MBD5: variants seen among roughly 807,000 people sequenced by gnomAD.
The protein encoded by MBD5 is methyl-CpG-binding domain protein 5.
Under a neutral mutation model 117.3 loss-of-function variants are expected in MBD5, and 13 were observed. The observed-to-expected ratio is 0.11, with a 90% CI of 0.07 to 0.18. The LOEUF (loss-of-function observed/expected upper bound fraction) is 0.18. MBD5 is among the 10% of genes least tolerant of loss of function. The pLI is 1.00. For synonymous variants in MBD5, 727 were observed against 766.4 expected, an observed-to-expected ratio of 0.95 and a Z score of 0.85; for missense variants, 1,879 against 2,093.8, an observed-to-expected ratio of 0.90 and a Z score of 2.00.
intron 13 of MBD5, among the ~76,000 whole-genome samples, chr2:148,510,407 A>G (rs925607092): frequency 1.3e-5 from 2 of 152,258 alleles, no homozygotes; most frequent in Admixed American, 1.3e-4. Flanking sequence ...TTGAAGTTCA[A>G]ACCACAGCTT....
chr2:148,244,786 GATGGTTA>G (rs1190120160), intron 3 of MBD5, among the ~76,000 whole-genome samples: 2 of 152,140 alleles, frequency 1.3e-5, no homozygotes, highest in East Asian at 3.9e-4. Flanking sequence ...CTGGTTCACA[GATGGTTA>G]ATGGTGTCCT....
At chr2:148,308,491 CTTTTTTTTTTT>C (rs60650324) in intron 3 of MBD5, among the ~76,000 whole-genome samples, 2,787 of 66,896 alleles carry the variant, frequency 0.042, 114 homozygotes, top group African/African-American at 0.13. Flanking sequence ...GGGGTTCTTT[CTTTTTTTTTTT>C]TTTTTTTTTT....
chr2:148,363,796 A>G (rs1395483633), intron 4 of MBD5, among the ~76,000 whole-genome samples: 2 of 152,194 alleles, frequency 1.3e-5, no homozygotes, highest in African/African-American at 2.4e-5. Flanking sequence ...AGATTAGAGA[A>G]AAAAGAATGA....
chr2:148,370,562 C>A (rs1323859524), intron 4 of MBD5, among the ~76,000 whole-genome samples: 2 of 152,074 alleles, frequency 1.3e-5, no homozygotes, highest in Admixed American at 1.3e-4. Context: ...GATCTTGGCT[C>A]ACTGCAACCT....
chr2:148,447,124 A>G (rs887339195), intron 4 of MBD5, among the ~76,000 whole-genome samples: 2 of 140,924 alleles, frequency 1.4e-5, no homozygotes, highest in East Asian at 3.9e-4. Flanking sequence ...AGAAAGAAAG[A>G]AAAAGAAAGA....
In MBD5 at chr2:148,459,822, G is replaced by T. The variant is rs77259953; in HGVS notation, c.113+951G>T. Among the ~76,000 whole-genome samples the T allele has an allele frequency of 1.1e-4, 16 of 152,292 alleles. No individual in the cohort carries two copies. In the East Asian group the frequency reaches 3.1e-3, roughly 29 times the overall value. On this transcript the variant is annotated intron_variant, in intron 5 of 13. Coordinates refer to ENST00000642680, the MANE Select transcript of MBD5 (RefSeq NM_001378120.1). The stretch of plus-strand genomic sequence containing the variant: ...AAAGTCAGTTCAGATTCTGTCCTGA[G>T]TTTGTTTGCTTGTTGTGTGTAAGGC...
intron 1 of MBD5, among the ~76,000 whole-genome samples, chr2:148,074,066 T>C (rs966106058): frequency 6.6e-6 from 1 of 152,136 alleles, no homozygotes. Flanking sequence ...AAGATATCAA[T>C]AAAACTTTTG....
intron 4 of MBD5, among the ~76,000 whole-genome samples, chr2:148,432,237 T>C (rs1397461181): frequency 2.0e-5 from 3 of 152,138 alleles, no homozygotes; most frequent in Non-Finnish European, 2.9e-5. Flanking sequence ...TGTTCATCTG[T>C]TTAAATTTCT....
chr2:148,276,994 T>C (rs555966895), intron 3 of MBD5, among the ~76,000 whole-genome samples: 3 of 152,274 alleles, frequency 2.0e-5, no homozygotes, highest in Admixed American at 6.5e-5. Context: ...TACTCAGTTG[T>C]GGTACTTTTG....
intron 1 of MBD5, among the ~76,000 whole-genome samples, chr2:148,158,754 G>C (rs974897510): frequency 1.3e-5 from 2 of 152,140 alleles, no homozygotes; most frequent in African/African-American, 4.8e-5. Context: ...GAGTCTCGCT[G>C]TGTCTGCCAG....
chr2:148,105,030 TC>T (rs1195937673), intron 1 of MBD5, among the ~76,000 whole-genome samples: 5 of 152,150 alleles, frequency 3.3e-5, no homozygotes, highest in Non-Finnish European at 7.4e-5. Context: ...TGAGCCCATT[TC>T]TTTCATAGTA....
chr2:148,191,579 A>G (rs917895530), intron 2 of MBD5, among the ~76,000 whole-genome samples: 1 of 72,296 alleles, frequency 1.4e-5, no homozygotes, highest in African/African-American at 6.0e-5. Flanking sequence ...GACACCACAT[A>G]CCAGAATCTC....
At position 148,135,979 on chromosome 2, in the gene MBD5, GAAC is replaced by G. The variant is rs1697162797; in HGVS notation, c.-924-42718_-924-42716del. On this transcript the variant is annotated intron_variant, in intron 1 of 13. Coordinates refer to ENST00000642680, the MANE Select transcript of MBD5 (RefSeq NM_001378120.1). ...TCCAATCTCCAGCAGCCCTAGCAGG[GAAC>G]AAAACTGGTTATCTGATGCTTCCTT... 3.9e-5 allele frequency among the ~76,000 whole-genome samples: 6 copies of G among 152,232 alleles called. No homozygotes were observed. The South Asian group carries it at 1.2e-3, about 32-fold the overall frequency.
At position 148,064,342 on chromosome 2, in the gene MBD5, C is replaced by G. The variant is rs181803836; in HGVS notation, c.-925+42658C>G. On this transcript the variant is annotated intron_variant, in intron 1 of 13. Coordinates refer to ENST00000642680, the MANE Select transcript of MBD5 (RefSeq NM_001378120.1). Reference sequence around the variant, plus strand: ...GTGTTAGCCAGGATGGTCTCGATCTCCTGACCTCGTGATCCCCTCGCCTCG... The same window carrying G: ...GTGTTAGCCAGGATGGTCTCGATCTGCTGACCTCGTGATCCCCTCGCCTCG... 7.3e-3 allele frequency among the ~76,000 whole-genome samples: 1,114 copies of G among 152,020 alleles called. 11 individuals are homozygous for G. Among genetic ancestry groups the G allele is most frequent in the African/African-American group, 0.025 (1,029 of 41,454 alleles).
intron 4 of MBD5, among the ~76,000 whole-genome samples, chr2:148,424,663 A>C (rs1409851063): frequency 6.6e-6 from 1 of 152,214 alleles, no homozygotes; most frequent in Admixed American, 6.5e-5. Flanking sequence ...ATGTAAAAGA[A>C]CAGAAATCAT....
chr2:148,225,302 C>T (rs1438583821), intron 2 of MBD5, among the ~76,000 whole-genome samples: 1 of 135,772 alleles, frequency 7.4e-6, no homozygotes, highest in Non-Finnish European at 1.7e-5. Flanking sequence ...ACACTGTTTA[C>T]ATAAACAAAC....
intron 1 of MBD5, among the ~76,000 whole-genome samples, chr2:148,121,925 G>A (rs1412535389): frequency 6.6e-6 from 1 of 152,118 alleles, no homozygotes; most frequent in African/African-American, 2.4e-5. Flanking sequence ...TTATGAGTTA[G>A]ACATATAGGT....
At chr2:148,041,476 G>A (rs560174455) in intron 1 of MBD5, 5 of 152,330 alleles carry the variant, frequency 3.3e-5, no homozygotes, top group Admixed American at 6.5e-5. Flanking sequence ...ATACTTAAAA[G>A]TAGCAGATTG....
intron 4 of MBD5, among the ~76,000 whole-genome samples, chr2:148,399,360 G>GT (rs1704841686): frequency 6.6e-6 from 1 of 151,852 alleles, no homozygotes; most frequent in South Asian, 2.1e-4. Flanking sequence ...CCTTGAAGAG[G>GT]TCCTTCACAT....
Sources: gnomAD v4.1 joint callset for allele counts (sites outside exome capture counted in the v4.1 genomes callset) on GRCh38, gnomAD v4.1.1 for gene constraint, MANE v1.5 for transcripts, NCBI Gene and HGNC (gene_info 2026-07-23, HGNC 2026-07-21) for gene names.